The following SLC25A41 variants were observed in gnomAD, a reference collection of about 807,000 sequenced individuals.
The protein encoded by SLC25A41 is mitochondrial carrier protein SCaMC-3L.
A neutral mutation model predicts 34.7 loss-of-function variants in SLC25A41; 35 were observed. The ratio of observed to expected loss-of-function variants is 1.01; its 90% CI spans 0.77 to 1.34. The LOEUF (loss-of-function observed/expected upper bound fraction) is 1.34, where lower values mean the gene tolerates loss of function less well. Ranked by LOEUF, SLC25A41 falls within the 40% of genes most tolerant of loss-of-function variation. The pLI, the probability that SLC25A41 is intolerant of heterozygous loss-of-function variation, is 0.00. For synonymous variants in SLC25A41, 190 were observed against 209.9 expected, an observed-to-expected ratio of 0.91 and a Z score of 0.82; for missense variants, 492 against 489.8, an observed-to-expected ratio of 1.00 and a Z score of -0.04.
intron 4 of SLC25A41, among the ~76,000 whole-genome samples, chr19:6,428,735 A>G (rs2092256212): frequency 6.9e-6 from 1 of 145,006 alleles, no homozygotes; most frequent in South Asian, 2.1e-4. Context: ...TTTTTGAGAC[A>G]GGGTCTCCCT....
chr19:6,430,282 C>T lies in SLC25A41; in HGVS notation c.364-121G>A, dbSNP rs1599258011. ...ACCCAACCCCAACCCATCCCCATCC[C>T]ATCCCCATTCCTTCTTCAGCTCCTT... On this transcript the variant is annotated intron_variant, in intron 2 of 6. Transcript: ENST00000321510. The T allele has an allele frequency of 6.1e-6, 7 of 1,142,370 alleles. No homozygotes were observed. In the East Asian group the frequency reaches 1.6e-4, roughly 26 times the overall value. 70.8% of individuals were successfully genotyped at this position (1,142,370 alleles called of 1,614,324 possible). A position where few individuals can be genotyped will look rare whatever the true frequency, so the allele number is the denominator to read the frequency against.
chr19:6,433,565 G>T lies in SLC25A41; in HGVS notation c.129C>A (p.Asn43Lys), dbSNP rs753655896. Residue 43 changes from asparagine (N) to lysine (K), a missense_variant, in exon 1 of 7, where the codon AAC becomes AAA. Asn to Lys is a moderately conservative substitution (Grantham distance 94). Coordinates refer to ENST00000321510, the MANE Select transcript of SLC25A41 (RefSeq NM_173637.4). ...ACCCATACACGTGTGTACAGCCAGG[G>T]TTCCAGGATGGGGGTGGAGGCGGAG... is the stretch of plus-strand genomic sequence containing the variant. Reference protein sequence around the residue: ...PQPPPPPPSWNPGCTHVYGYA... With the variant: ...PQPPPPPPSWKPGCTHVYGYA... 9 of 1,609,416 alleles carry T rather than the reference G, an allele frequency of 5.6e-6. No homozygotes were observed. The highest frequency in any genetic ancestry group is 7.6e-6 in the Non-Finnish European group (9 of 1,177,158).
Position 6,427,454 on chromosome 19 carries a change from C to A in SLC25A41, c.672G>T (p.Gly224=). The change falls in exon 5 of 7, where the codon GGG becomes GGT. Residue 224 remains glycine (G), a synonymous_variant. Coordinates refer to ENST00000321510, the MANE Select transcript of SLC25A41 (RefSeq NM_173637.4). This position sits in a 1 kb window ranked among gnomAD's most constrained non-coding sequence, Gnocchi z 4.9. ...AGATCTGCCTGGCGCAGTCCAGCAGCCCCTTGTACTGGCCCGTCCGACGCA... is the reference window on the plus strand; with the variant it reads ...AGATCTGCCTGGCGCAGTCCAGCAGACCCTTGTACTGGCCCGTCCGACGCA... ...LTLRRTGQYK[G]LLDCARQILQ... is the part of the protein sequence containing the mutation. The A allele has an allele frequency of 6.3e-7, 1 of 1,598,086 alleles. No homozygotes were observed. The highest frequency in any genetic ancestry group is 8.5e-7 in the Non-Finnish European group (1 of 1,170,472).
At position 6,427,558 on chromosome 19, in the gene SLC25A41, G is replaced by C. The variant is rs897179963; in HGVS notation, c.625-57C>G. ...TGATTGAATCCTGTCAATGACCCTC[G>C]GGGTAGCCATTGTCCCCACCCTACA... is the stretch of plus-strand genomic sequence containing the variant. On this transcript the variant is annotated intron_variant, in intron 4 of 6. Transcript: ENST00000321510. The surrounding 1 kb of genome is among the most constrained non-coding windows in gnomAD (Gnocchi z 4.9). The C allele has an allele frequency of 5.6e-6, 8 of 1,438,434 alleles. No homozygotes were observed. The highest frequency in any genetic ancestry group is 5.5e-6 in the Non-Finnish European group (6 of 1,088,724). The allele number at this position is 1,438,434 out of a possible 1,614,324, so 89.1% of individuals were successfully genotyped here.
intron 2 of SLC25A41, chr19:6,430,453 T>TTCCC (rs796541701): frequency 1.9e-5 from 9 of 468,526 alleles, no homozygotes; most frequent in Non-Finnish European, 3.1e-5. Flanking sequence ...TCCCTTTTTG[T>TTCCC]TCCCTCCCTC....
chr19:6,429,911 C>A, intron 3 of SLC25A41, 80 bp from the exon 4 acceptor site: 1 of 1,589,412 alleles, frequency 6.3e-7, no homozygotes, highest in Non-Finnish European at 8.6e-7. Flanking sequence ...GGCCTGGGGT[C>A]TGGAGGGTGA....
At chr19:6,432,576 CT>C (rs2092290623) in intron 1 of SLC25A41, among the ~76,000 whole-genome samples, 1 of 147,298 alleles carries the variant, frequency 6.8e-6, no homozygotes, top group Non-Finnish European at 1.5e-5. Flanking sequence ...ACCCTCCCCC[CT>C]GGTTTTTTTT....
chr19:6,429,429 AAGGAG>A, intron 4 of SLC25A41, among the ~76,000 whole-genome samples: 1 of 65,258 alleles, frequency 1.5e-5, no homozygotes, highest in Non-Finnish European at 2.9e-5. Context: ...AGAAGGGAGA[AAGGAG>A]GAGGGAAGGA....
rs112166427 is a variant in SLC25A41, at chr19:6,427,086, G to A, written c.940+17C>T. ...CGGGGAAGGGGCATGCGTGGTGGCC[G>A]CTGGGGACAGGCTGACCTTGGGCCT... On this transcript the variant is annotated intron_variant, in intron 6 of 6. Transcript: ENST00000321510. The surrounding 1 kb of genome is among the most constrained non-coding windows in gnomAD (Gnocchi z 4.9). 1,398 of 1,585,432 alleles carry A rather than the reference G, an allele frequency of 8.8e-4. 17 individuals are homozygous for A. The African/African-American group carries it at 0.016, about 19-fold the overall frequency.
At chr19:6,429,380 A>G (rs111211934) in intron 4 of SLC25A41, among the ~76,000 whole-genome samples, 1 of 182 alleles carries the variant, frequency 5.5e-3, no homozygotes, top group Non-Finnish European at 0.011. Flanking sequence ...GAGAAAGGAA[A>G]GGAAGAGGGG....
At chr19:6,429,401 AGAAAGGAAG>A in intron 4 of SLC25A41, among the ~76,000 whole-genome samples, 1 of 250 alleles carries the variant, frequency 4.0e-3, no homozygotes, top group Non-Finnish European at 8.5e-3. Context: ...AGGAGAAGGG[AGAAAGGAAG>A]AGGGGAGGAG....
rs370967882 is a variant in SLC25A41 at position 6,427,473 on chromosome 19, C to T, written c.653G>A (p.Arg218Gln). 4.0e-4 allele frequency: 626 copies of T among 1,567,952 alleles called. 4 individuals carry two copies. The Middle Eastern group carries it at 8.0e-3, about 20-fold the overall frequency. The change falls in exon 5 of 7, where the codon CGG becomes CAG. Residue 218 changes from arginine to glutamine, a missense_variant. Transcript: ENST00000321510. This position sits in a 1 kb window ranked among gnomAD's most constrained non-coding sequence, Gnocchi z 4.9. Reference sequence around the variant, plus strand: ...CAGCAGCCCCTTGTACTGGCCCGTCCGACGCAAGGTCAACCGCGTCTTCAG... The same window carrying T: ...CAGCAGCCCCTTGTACTGGCCCGTCTGACGCAAGGTCAACCGCGTCTTCAG... ...EVLKTRLTLR[R>Q]TGQYKGLLDC...
chr19:6,428,818 C>T (rs1244528328), intron 4 of SLC25A41, among the ~76,000 whole-genome samples: 1 of 144,138 alleles, frequency 6.9e-6, no homozygotes, highest in East Asian at 2.0e-4. Flanking sequence ...GGCTCAAGTG[C>T]TCCTCCCACC....
Position 6,426,254 on chromosome 19 carries a change from C to A in SLC25A41, c.*135G>T. On this transcript the variant is annotated 3_prime_UTR_variant, in exon 7 of 7. Transcript: ENST00000321510. ...AATCTTCTGACCCAGAGCCCCACCCCCACCCCCAGCCTGCTTTTGCCACCA... is the reference window on the plus strand; with the variant it reads ...AATCTTCTGACCCAGAGCCCCACCCACACCCCCAGCCTGCTTTTGCCACCA... 1 of 573,030 alleles carries A rather than the reference C, an allele frequency of 1.7e-6. No individual in the cohort carries two copies. 35.5% of individuals were successfully genotyped at this position (573,030 alleles called of 1,614,324 possible).
chr19:6,432,097 C>T lies in SLC25A41; in HGVS notation c.315G>A (p.Val105=), dbSNP rs753147104. The change falls in exon 2 of 7, where the codon GTG becomes GTA. Residue 105 remains valine, a synonymous_variant. Coordinates refer to ENST00000321510, the MANE Select transcript of SLC25A41 (RefSeq NM_173637.4). Reference sequence around the variant, plus strand: ...CCAGAGGTGCCGTGCCCGTGCGAGACACCGCCCCGGCCATAGCTCCTGAGA... The same window carrying T: ...CCAGAGGTGCCGTGCCCGTGCGAGATACCGCCCCGGCCATAGCTCCTGAGA... The part of the protein sequence containing the change: ...FLLSGAMAGA[V]SRTGTAPLDR... 6.2e-7 allele frequency: 1 copy of T among 1,613,960 alleles called. No homozygotes were observed. The highest frequency in any genetic ancestry group is 1.7e-5 in the Admixed American group (1 of 60,014).
At chr19:6,435,128 G>GT (rs2092303016), upstream of SLC25A41, among the ~76,000 whole-genome samples, 1 of 151,420 alleles carries the variant, frequency 6.6e-6, no homozygotes, top group African/African-American at 2.4e-5. Context: ...GGAGGCTGAG[G>GT]TGGGAGGGTT....
At position 6,427,100 on chromosome 19, in the gene SLC25A41, G is replaced by GAA. The variant is rs1427375425; in HGVS notation, c.940+2_940+3insTT. ...GCGTGGTGGCCGCTGGGGACAGGCTGACCTTGGGCCTGCATCCTGGTGCGC... is the reference window on the plus strand; with the variant it reads ...GCGTGGTGGCCGCTGGGGACAGGCTGAAACCTTGGGCCTGCATCCTGGTGCGC... On this transcript the variant is annotated splice_region_variant and intron_variant, in intron 6 of 6. Transcript: ENST00000321510. The surrounding 1 kb of genome is among the most constrained non-coding windows in gnomAD (Gnocchi z 4.9). The GAA allele has an allele frequency of 1.9e-6, 3 of 1,597,048 alleles. No homozygotes were observed. The highest frequency in any genetic ancestry group is 2.6e-6 in the Non-Finnish European group (3 of 1,172,892).
chr19:6,426,517 G>T lies in SLC25A41; in HGVS notation c.985C>A (p.Arg329=), dbSNP rs200583733. ...AGCCAGCCCTGCTGGGCCAGGATCC[G>T]CTGGAGGACTCCGCGCATGGTGGGA... ...SNPTMRGVLQ[R]ILAQQGWLGL... is the part of the protein sequence containing the mutation. The change falls in exon 7 of 7, where the codon CGG becomes AGG. Residue 329 remains arginine (R), a synonymous_variant. Coordinates refer to ENST00000321510, the MANE Select transcript of SLC25A41 (RefSeq NM_173637.4). 1.2e-6 allele frequency: 2 copies of T among 1,613,418 alleles called. No individual in the cohort carries two copies. Among genetic ancestry groups the T allele is most frequent in the South Asian group, 1.1e-5 (1 of 91,090 alleles).
chr19:6,426,530 G>A lies in SLC25A41; in HGVS notation c.972C>T (p.Arg324=), dbSNP rs753990537. The A allele has an allele frequency of 3.3e-5, 54 of 1,613,150 alleles. No individual in the cohort carries two copies. The highest frequency in any genetic ancestry group is 3.3e-5 in the South Asian group (3 of 91,096). The change falls in exon 7 of 7, where the codon CGC becomes CGT. Residue 324 remains arginine (R), a synonymous_variant. Transcript: ENST00000321510. ...DTVEGSNPTM[R]GVLQRILAQQ... ...GGGCCAGGATCCGCTGGAGGACTCC[G>A]CGCATGGTGGGATTTGAGCCCTCCA...
Sources: gnomAD v4.1 joint callset for allele counts (sites outside exome capture counted in the v4.1 genomes callset) on GRCh38, gnomAD v4.1.1 for gene constraint, Gnocchi (gnomAD v3.1) non-coding constraint, MANE v1.5 for transcripts, NCBI Gene and HGNC (gene_info 2026-07-23, HGNC 2026-07-21) for gene names.